The following CSPP1 variants were observed in gnomAD, a reference collection of about 807,000 sequenced individuals.
CSPP1 encodes centrosome and spindle pole-associated protein 1.
In CSPP1, 126 loss-of-function variants were observed where a neutral mutation model predicts 164.4. The observed-to-expected ratio is 0.77, with a 90% CI of 0.66 to 0.89. The LOEUF (loss-of-function observed/expected upper bound fraction) is 0.89. CSPP1 is among the 40% of genes least tolerant of loss of function. The pLI, the probability that CSPP1 is intolerant of heterozygous loss-of-function variation, is 0.00. For synonymous variants in CSPP1, 472 were observed against 476.7 expected (o/e 0.99, Z 0.13); for missense variants, 1,395 against 1,449.8 (o/e 0.96, Z 0.61).
At chr8:67,163,654 A>T in intron 22 of CSPP1, 78 bp from the exon 23 acceptor site, 1 of 1,049,636 alleles carries the variant, frequency 9.5e-7, no homozygotes, top group South Asian at 1.5e-5. Flanking sequence ...ACATATAAAT[A>T]CTTCAAAAAA....
At chr8:67,158,925 C>T (rs1002865286) in intron 20 of CSPP1, 66 bp from the exon 21 acceptor site, 2 of 1,257,902 alleles carry the variant, frequency 1.6e-6, no homozygotes, top group Admixed American at 2.3e-5. Flanking sequence ...ATAAATAAGG[C>T]AGCACATTTT....
chr8:67,118,511 C>A, intron 14 of CSPP1, 142 bp downstream of exon 14: 2 of 854,496 alleles, frequency 2.3e-6, no homozygotes, highest in Non-Finnish European at 3.8e-6. Context: ...AATAAATGCC[C>A]TATTTTAAAG....
At chr8:67,133,258 C>T (rs1821599847) in intron 16 of CSPP1, among the ~76,000 whole-genome samples, 1 of 152,170 alleles carries the variant, frequency 6.6e-6, no homozygotes, top group African/African-American at 2.4e-5. Flanking sequence ...TGTTTATTGC[C>T]TATCTGTATG....
At chr8:67,154,181 TAAAC>T (rs1157262838) in intron 19 of CSPP1, 45 bp downstream of exon 19, 1 of 935,022 alleles carries the variant, frequency 1.1e-6, no homozygotes, top group Non-Finnish European at 1.7e-6. Flanking sequence ...GAGATTTTAA[TAAAC>T]AAAACTTGCA....
chr8:67,094,255 A>G (rs7826273), intron 6 of CSPP1, among the ~76,000 whole-genome samples: 113 of 143,458 alleles, frequency 7.9e-4, no homozygotes, highest in Non-Finnish European at 1.4e-3. Context: ...AGGAATTTGC[A>G]TTTAGTTTAT....
At chr8:67,116,230 C>T (rs1817899849) in intron 13 of CSPP1, 108 bp downstream of exon 13, 1 of 741,198 alleles carries the variant, frequency 1.3e-6, no homozygotes, top group Non-Finnish European at 2.2e-6. Context: ...AGATTTTGTA[C>T]AGTTAACAGT....
Position 67,158,489 on chromosome 8 carries a change from C to T in CSPP1, c.2284C>T (p.Leu762=). The T allele has an allele frequency of 1.2e-6, 2 of 1,612,652 alleles. No homozygotes were observed. Among genetic ancestry groups the T allele is most frequent in the Non-Finnish European group, 1.7e-6 (2 of 1,179,184 alleles). ...AAGAGAGGAAGCAGAGCGAGAGAGACTGAGAATTGCAGAAGAAAAAGAAGA... is the reference window on the plus strand; with the variant it reads ...AAGAGAGGAAGCAGAGCGAGAGAGATTGAGAATTGCAGAAGAAAAAGAAGA... ...KQREEAERER[L]RIAEEKEERR... The change falls in exon 20 of 31, where the codon CTG becomes TTG. Residue 762 remains leucine (L), a synonymous_variant. Coordinates refer to ENST00000678616, the MANE Select transcript of CSPP1 (RefSeq NM_001382391.1).
At chr8:67,143,897 T>A (rs1199277736) in intron 17 of CSPP1, among the ~76,000 whole-genome samples, 1 of 152,194 alleles carries the variant, frequency 6.6e-6, no homozygotes, top group Non-Finnish European at 1.5e-5. Flanking sequence ...TCAGTAGAGT[T>A]AGTTTTACTT....
At chr8:67,176,847 G>A (rs369350925) in intron 26 of CSPP1, among the ~76,000 whole-genome samples, 3 of 152,000 alleles carry the variant, frequency 2.0e-5, no homozygotes, top group African/African-American at 4.8e-5. Flanking sequence ...TGAAGTGGGC[G>A]GATCATGAGG....
At chr8:67,091,544 A>G (rs992651931) in intron 4 of CSPP1, among the ~76,000 whole-genome samples, 1 of 152,230 alleles carries the variant, frequency 6.6e-6, no homozygotes, top group African/African-American at 2.4e-5. Context: ...TCTTGAATCA[A>G]TAGACGTATA....
rs77567841 is a variant in CSPP1 at position 67,086,400 on chromosome 8, A to G, written c.303+290A>G. 6.5e-3 allele frequency among the ~76,000 whole-genome samples: 995 copies of G among 152,214 alleles called. 7 individuals are homozygous for G. The highest frequency in any genetic ancestry group is 0.023 in the African/African-American group (948 of 41,572). On this transcript the variant is annotated intron_variant, in intron 4 of 30. Transcript: ENST00000678616. ...TTTTCATGTTTTCTGTAAAGTTGTC[A>G]TGGTTTGAAGTAGTCCAATCATGGT...
chr8:67,148,908 C>G (rs1563680568), intron 17 of CSPP1, among the ~76,000 whole-genome samples: 1 of 152,098 alleles, frequency 6.6e-6, no homozygotes, highest in African/African-American at 2.4e-5. Flanking sequence ...ATGAATTAAC[C>G]CAAAACTTGG....
At chr8:67,140,534 A>G (rs913851143) in intron 17 of CSPP1, among the ~76,000 whole-genome samples, 2 of 152,242 alleles carry the variant, frequency 1.3e-5, no homozygotes, top group Admixed American at 1.3e-4. Flanking sequence ...TGCCTAGCTA[A>G]CATTTCTTAT....
intron 17 of CSPP1, 76 bp downstream of exon 17, chr8:67,137,679 A>G (rs1296192067): frequency 4.1e-6 from 4 of 968,690 alleles, no homozygotes; most frequent in Admixed American, 3.4e-5. Flanking sequence ...GGGAGTAGAA[A>G]AAAGTAGGAA....
chr8:67,179,727 T>C (rs1832565399), intron 27 of CSPP1, 136 bp from the exon 28 acceptor site: 1 of 602,802 alleles, frequency 1.7e-6, no homozygotes, highest in Non-Finnish European at 2.9e-6. Context: ...AGCATTGGAA[T>C]GTAGTCAGTC....
chr8:67,136,098 C>A (rs1053622491), intron 16 of CSPP1, among the ~76,000 whole-genome samples: 2 of 152,028 alleles, frequency 1.3e-5, no homozygotes, highest in African/African-American at 4.8e-5. Context: ...AATAGTAACA[C>A]TAAAGATCAG....
At chr8:67,180,138 C>T (rs183347066) in intron 28 of CSPP1, among the ~76,000 whole-genome samples, 1 of 152,118 alleles carries the variant, frequency 6.6e-6, no homozygotes, top group East Asian at 1.9e-4. Flanking sequence ...GTTGACAAAC[C>T]TGTACATGAA....
intron 1 of CSPP1, among the ~76,000 whole-genome samples, chr8:67,067,604 C>T (rs1805845854): frequency 6.6e-6 from 1 of 152,056 alleles, no homozygotes; most frequent in Admixed American, 6.6e-5. Context: ...GCTGGAACTA[C>T]AGGCGCCTGC....
At chr8:67,187,969 G>A (rs1835134111) in intron 28 of CSPP1, among the ~76,000 whole-genome samples, 1 of 152,178 alleles carries the variant, frequency 6.6e-6, no homozygotes, top group Non-Finnish European at 1.5e-5. Flanking sequence ...CTTGGGTATG[G>A]TGATGACTTT....
Sources: allele counts gnomAD v4.1 joint callset (sites outside exome capture counted in the v4.1 genomes callset), GRCh38; gene constraint gnomAD v4.1.1; transcripts MANE v1.5; gene names NCBI Gene and HGNC (gene_info 2026-07-23, HGNC 2026-07-21).